Variants in SMAP1 observed in about 807,000 individuals in gnomAD.
SMAP1 encodes small ArfGAP 1.
SMAP1 carries 24 observed loss-of-function variants against 58.5 expected under a neutral mutation model. That is an observed-to-expected ratio of 0.41 (90% confidence interval 0.30 to 0.58). The LOEUF (loss-of-function observed/expected upper bound fraction) is 0.58, where lower values mean the gene tolerates loss of function less well. SMAP1 is among the 20% of genes least tolerant of loss of function. The probability of loss-of-function intolerance (pLI) is 0.29; values close to 1 mark genes in which losing one functional copy is unlikely to be tolerated. For missense variants in SMAP1, 563 were observed against 566.3 expected, an observed-to-expected ratio of 0.99 and a Z score of 0.06; for synonymous variants, 216 against 196.6, an observed-to-expected ratio of 1.10 and a Z score of -0.82.
intron 5 of SMAP1, among the ~76,000 whole-genome samples, chr6:70,795,407 T>C (rs1409406953): frequency 1.3e-5 from 2 of 152,222 alleles, no homozygotes; most frequent in Non-Finnish European, 2.9e-5. Flanking sequence ...TTCTGGAGGC[T>C]GGAAAGACAA....
intron 1 of SMAP1, among the ~76,000 whole-genome samples, chr6:70,676,994 ATGT>A (rs1766507569): frequency 6.6e-6 from 1 of 151,834 alleles, no homozygotes; most frequent in South Asian, 2.1e-4. Context: ...GGGCCTTGCT[ATGT>A]TGTTTGGGCT....
chr6:70,831,768 C>T (rs552943673), intron 6 of SMAP1, among the ~76,000 whole-genome samples: 1 of 152,216 alleles, frequency 6.6e-6, no homozygotes, highest in East Asian at 1.9e-4. Context: ...TTTTTATTCT[C>T]TTGGGCATAT....
At chr6:70,834,572 C>G (rs913912565) in intron 6 of SMAP1, among the ~76,000 whole-genome samples, 1 of 152,154 alleles carries the variant, frequency 6.6e-6, no homozygotes, top group Non-Finnish European at 1.5e-5. Context: ...ACTTAACTAC[C>G]TACTTAAAGA....
intron 10 of SMAP1, chr6:70,859,291 T>G (rs748411882): frequency 6.8e-7 from 1 of 1,465,498 alleles, no homozygotes; most frequent in South Asian, 1.3e-5. Flanking sequence ...AGGTGCTAGA[T>G]GAACCAGGAA....
intron 6 of SMAP1, among the ~76,000 whole-genome samples, chr6:70,830,386 C>G (rs1250791698): frequency 2.0e-5 from 3 of 152,136 alleles, no homozygotes; most frequent in South Asian, 4.1e-4. Context: ...CCCATAAATC[C>G]TAACAAGATA....
intron 3 of SMAP1, among the ~76,000 whole-genome samples, chr6:70,759,446 G>A (rs983336205): frequency 6.6e-6 from 1 of 151,818 alleles, no homozygotes; most frequent in African/African-American, 2.4e-5. Flanking sequence ...GAAAATTTTG[G>A]TTTCATCCTT....
intron 1 of SMAP1, among the ~76,000 whole-genome samples, chr6:70,678,213 G>T (rs967033252): frequency 5.9e-5 from 9 of 151,990 alleles, no homozygotes; most frequent in Non-Finnish European, 1.3e-4. Context: ...AGCAATTTTT[G>T]GTCTCCATTT....
chr6:70,714,114 G>A (rs1445997678), intron 1 of SMAP1, among the ~76,000 whole-genome samples: 4 of 152,058 alleles, frequency 2.6e-5, no homozygotes, highest in African/African-American at 7.2e-5. Context: ...TTCCACGTAT[G>A]TGTGTCCTTG....
chr6:70,734,293 G>C (rs779694050), intron 2 of SMAP1, among the ~76,000 whole-genome samples: 4 of 151,990 alleles, frequency 2.6e-5, no homozygotes, highest in African/African-American at 9.7e-5. Flanking sequence ...TTACAGGTGC[G>C]TGCCACCATG....
intron 2 of SMAP1, among the ~76,000 whole-genome samples, chr6:70,746,815 G>C (rs1278385192): frequency 6.6e-6 from 1 of 151,874 alleles, no homozygotes; most frequent in African/African-American, 2.4e-5. Context: ...ATTTTTTTTG[G>C]TTGATAGGCT....
chr6:70,673,490 T>C (rs1766351877), intron 1 of SMAP1, among the ~76,000 whole-genome samples: 1 of 152,236 alleles, frequency 6.6e-6, no homozygotes, highest in African/African-American at 2.4e-5. Flanking sequence ...TAGAGCCCAT[T>C]TGATTGCAAG....
rs1562209011 is a variant in SMAP1 at position 70,860,294 on chromosome 6, G to A, written c.1364G>A (p.Ser455Asn). The change falls in exon 11 of 11, where the codon AGC becomes AAC. Residue 455 changes from serine to asparagine, a missense_variant. By Grantham distance (46) the Ser-to-Asn change is conservative. Transcript: ENST00000370455. ...AGCACAACAGCAGGATGGTCTGGAA[G>A]CTCATCAGGTCAGACTCTCAGCACA... ...PSSTTAGWSGSSSGQTLSTQL... is the reference protein window; with the variant it reads ...PSSTTAGWSGNSSGQTLSTQL... 1.2e-6 allele frequency: 2 copies of A among 1,613,556 alleles called. No homozygotes were observed. Among genetic ancestry groups the A allele is most frequent in the Non-Finnish European group, 1.7e-6 (2 of 1,179,816 alleles).
chr6:70,711,462 A>T (rs1432637861), intron 1 of SMAP1, among the ~76,000 whole-genome samples: 1 of 151,428 alleles, frequency 6.6e-6, no homozygotes, highest in Non-Finnish European at 1.5e-5. Flanking sequence ...GGTATAAATA[A>T]ATGCAGCTGA....
intron 3 of SMAP1, among the ~76,000 whole-genome samples, chr6:70,757,091 A>G (rs924039556): frequency 6.6e-6 from 1 of 152,202 alleles, no homozygotes; most frequent in African/African-American, 2.4e-5. Context: ...ACAAAGCTGG[A>G]GGCATCACAC....
chr6:70,672,720 G>T (rs769371516), intron 1 of SMAP1, among the ~76,000 whole-genome samples: 23 of 152,232 alleles, frequency 1.5e-4, no homozygotes, highest in Admixed American at 6.5e-4. Flanking sequence ...CTGGCAGGCA[G>T]CAGGGTGTGT....
At chr6:70,807,956 A>G (rs987782611) in intron 6 of SMAP1, among the ~76,000 whole-genome samples, 3 of 151,182 alleles carry the variant, frequency 2.0e-5, no homozygotes, top group Non-Finnish European at 4.4e-5. Flanking sequence ...TGTCACATGT[A>G]TTAGATATAT....
rs779750684 is a variant in SMAP1, at chr6:70,846,319, G to C, written c.665-6221G>C. ...AAAGCATTTCAATTAATCATGTATT[G>C]AGTATGTGCCTTAATCCACGCATTG... is the stretch of plus-strand genomic sequence containing the variant. On this transcript the variant is annotated intron_variant, in intron 7 of 10. Coordinates refer to ENST00000370455, the MANE Select transcript of SMAP1 (RefSeq NM_001044305.3). 6.6e-5 allele frequency among the ~76,000 whole-genome samples: 10 copies of C among 152,110 alleles called. 1 individual carries two copies. The highest frequency in any genetic ancestry group is 1.3e-4 in the Non-Finnish European group (9 of 68,022).
intron 6 of SMAP1, among the ~76,000 whole-genome samples, chr6:70,808,566 G>T (rs189299738): frequency 1.3e-5 from 2 of 152,278 alleles, no homozygotes. Flanking sequence ...ACTGTCCAGA[G>T]CCTCCTTTTC....
chr6:70,668,562 A>G, intron 1 of SMAP1: 5 of 1,533,760 alleles, frequency 3.3e-6, no homozygotes, highest in South Asian at 1.2e-5. Flanking sequence ...TTAGGTCTGG[A>G]TCCCCTCCTC....
Sources: gnomAD v4.1 joint callset for allele counts (sites outside exome capture counted in the v4.1 genomes callset) on GRCh38, gnomAD v4.1.1 for gene constraint, MANE v1.5 for transcripts, NCBI Gene and HGNC (gene_info 2026-07-23, HGNC 2026-07-21) for gene names.